Variants in MBD5 observed in about 807,000 individuals in gnomAD.
MBD5 encodes the protein methyl-CpG binding domain protein 5.
MBD5 carries 13 observed loss-of-function variants against 117.3 expected under a neutral mutation model. The observed-to-expected ratio is 0.11, with a 90% CI of 0.07 to 0.18. The LOEUF (loss-of-function observed/expected upper bound fraction) is 0.18. Among genes scored for constraint, MBD5 ranks in the 10% least tolerant of loss-of-function variants. The pLI, the probability that MBD5 is intolerant of heterozygous loss-of-function variation, is 1.00. For synonymous variants in MBD5, 727 were observed against 766.4 expected (o/e 0.95, Z 0.85); for missense variants, 1,879 against 2,093.8 (o/e 0.90, Z 2.00).
intron 4 of MBD5, among the ~76,000 whole-genome samples, chr2:148,446,410 C>A (rs1251645073): frequency 6.6e-6 from 1 of 151,944 alleles, no homozygotes; most frequent in African/African-American, 2.4e-5. Flanking sequence ...AACAAACAAA[C>A]AAACAAACAG....
At chr2:148,511,448 G>A (rs1167567198) in intron 13 of MBD5, among the ~76,000 whole-genome samples, 2 of 152,212 alleles carry the variant, frequency 1.3e-5, no homozygotes, top group African/African-American at 4.8e-5. Context: ...GGGCAACCTG[G>A]GAGTCATGTG....
chr2:148,223,516 T>C (rs1699744866), intron 2 of MBD5, among the ~76,000 whole-genome samples: 1 of 152,170 alleles, frequency 6.6e-6, no homozygotes, highest in African/African-American at 2.4e-5. Flanking sequence ...AATTTGTCCA[T>C]TTCTTCTAGA....
intron 1 of MBD5, among the ~76,000 whole-genome samples, chr2:148,090,174 C>T (rs571652760): frequency 6.3e-4 from 96 of 151,724 alleles, no homozygotes; most frequent in South Asian, 2.5e-3. Context: ...TAACAACTAG[C>T]GAGATTGAAA....
intron 3 of MBD5, among the ~76,000 whole-genome samples, chr2:148,266,139 C>A (rs1700855089): frequency 6.6e-6 from 1 of 152,024 alleles, no homozygotes. Flanking sequence ...TGCAGAAACC[C>A]TAAATAAAAT....
At chr2:148,474,825 A>G (rs1263572653) in intron 8 of MBD5, among the ~76,000 whole-genome samples, 1 of 152,188 alleles carries the variant, frequency 6.6e-6, no homozygotes, top group East Asian at 1.9e-4. Flanking sequence ...ACAATGGAAT[A>G]GTGAGACCAC....
chr2:148,179,977 C>T (rs1698483878), intron 2 of MBD5, among the ~76,000 whole-genome samples: 1 of 151,954 alleles, frequency 6.6e-6, no homozygotes, highest in South Asian at 2.1e-4. Flanking sequence ...TTTACTTTTG[C>T]TACTACTTAA....
chr2:148,447,520 G>T (rs1349175507), intron 4 of MBD5: 1 of 152,152 alleles, frequency 6.6e-6, no homozygotes, highest in East Asian at 1.9e-4. Context: ...CTTGTCAAGG[G>T]CTATAGTGAA....
chr2:148,154,191 C>A (rs1319486009), intron 1 of MBD5, among the ~76,000 whole-genome samples: 6 of 150,446 alleles, frequency 4.0e-5, no homozygotes, highest in Non-Finnish European at 8.9e-5. Context: ...TGTTGGAGTA[C>A]CCTGCCGTGT....
chr2:148,227,190 T>G (rs1190368272), intron 2 of MBD5, among the ~76,000 whole-genome samples: 1 of 152,236 alleles, frequency 6.6e-6, no homozygotes, highest in Non-Finnish European at 1.5e-5. Context: ...TCCTTGCCCA[T>G]GCCTATGTCC....
chr2:148,063,131 T>C (rs1012306803), intron 1 of MBD5, among the ~76,000 whole-genome samples: 1 of 152,128 alleles, frequency 6.6e-6, no homozygotes, highest in Non-Finnish European at 1.5e-5. Context: ...ACTACAAATG[T>C]TTTTCAATAA....
At chr2:148,285,685 C>G (rs1701352797) in intron 3 of MBD5, among the ~76,000 whole-genome samples, 1 of 151,996 alleles carries the variant, frequency 6.6e-6, no homozygotes, top group South Asian at 2.1e-4. Context: ...CCCATATTAC[C>G]ACATCACCAC....
In MBD5 at chr2:148,486,225, C is replaced by T. The variant is rs561217323; in HGVS notation, c.3753+275C>T. Among the ~76,000 whole-genome samples, 165 of 152,198 alleles carry T rather than the reference C, an allele frequency of 1.1e-3. 1 individual carries two copies. The highest frequency in any genetic ancestry group is 3.9e-3 in the African/African-American group (162 of 41,538). ...AGCCCTTTTGTCATTTATCATTGTTCTCATGACTGAGACTCACCTCCCTTG... is the reference window on the plus strand; with the variant it reads ...AGCCCTTTTGTCATTTATCATTGTTTTCATGACTGAGACTCACCTCCCTTG... On this transcript the variant is annotated intron_variant, in intron 10 of 13. Coordinates refer to ENST00000642680, the MANE Select transcript of MBD5 (RefSeq NM_001378120.1).
chr2:148,490,074 T>C lies in MBD5; in HGVS notation c.4442T>C (p.Leu1481Pro). 1 of 1,614,016 alleles carries C rather than the reference T, an allele frequency of 6.2e-7. No homozygotes were observed. Reference sequence around the variant, plus strand: ...CTGCCTGGGGAACAGCACCCAATACTGTTACCACCAAGAAACTGTCCAGGG... The same window carrying C: ...CTGCCTGGGGAACAGCACCCAATACCGTTACCACCAAGAAACTGTCCAGGG... ...PFLPGEQHPILLPPRNCPGDK... is the reference protein window; with the variant it reads ...PFLPGEQHPIPLPPRNCPGDK... Residue 1481 changes from leucine (L) to proline (P), a missense_variant, in exon 11 of 14, where the codon CTG becomes CCG. Coordinates refer to ENST00000642680, the MANE Select transcript of MBD5 (RefSeq NM_001378120.1).
At chr2:148,249,685 C>CT (rs1449129434) in intron 3 of MBD5, among the ~76,000 whole-genome samples, 1 of 152,082 alleles carries the variant, frequency 6.6e-6, no homozygotes, top group African/African-American at 2.4e-5. Context: ...GTTGATAAGT[C>CT]TTTTAAAATT....
chr2:148,454,330 G>A (rs1345035857), intron 4 of MBD5, among the ~76,000 whole-genome samples: 1 of 152,060 alleles, frequency 6.6e-6, no homozygotes, highest in Non-Finnish European at 1.5e-5. Context: ...ACCAATAGAT[G>A]AATAGTTGTA....
At chr2:148,237,453 C>T (rs1041566240) in intron 3 of MBD5, among the ~76,000 whole-genome samples, 4 of 151,994 alleles carry the variant, frequency 2.6e-5, no homozygotes, top group Non-Finnish European at 4.4e-5. Flanking sequence ...ATTGTATTTT[C>T]GGGGATTGGG....
At chr2:148,497,515 C>T (rs1681738259) in intron 11 of MBD5, among the ~76,000 whole-genome samples, 1 of 151,956 alleles carries the variant, frequency 6.6e-6, no homozygotes. Context: ...TAATGAAACC[C>T]TATCTCTACA....
At chr2:148,055,432 T>TC (rs1694830696) in intron 1 of MBD5, 5 of 150,906 alleles carry the variant, frequency 3.3e-5, no homozygotes, top group East Asian at 1.9e-4. Context: ...TTTTTTTTTT[T>TC]CTTTTTTTAT....
At chr2:148,460,010 G>C (rs1707017877) in intron 5 of MBD5, among the ~76,000 whole-genome samples, 1 of 152,128 alleles carries the variant, frequency 6.6e-6, no homozygotes, top group Non-Finnish European at 1.5e-5. Flanking sequence ...GCACACATGA[G>C]ATAACTTCTT....
Sources: gnomAD v4.1 joint callset for allele counts (sites outside exome capture counted in the v4.1 genomes callset) on GRCh38, gnomAD v4.1.1 for gene constraint, MANE v1.5 for transcripts, NCBI Gene and HGNC (gene_info 2026-07-23, HGNC 2026-07-21) for gene names.